Variants in CELF2 observed in about 807,000 individuals in gnomAD.
The protein encoded by CELF2 is CUGBP Elav-like family member 2.
Under a neutral mutation model 62.6 loss-of-function variants are expected in CELF2, and 8 were observed. That is an observed-to-expected ratio of 0.13 (90% CI 0.07 to 0.23). The LOEUF (loss-of-function observed/expected upper bound fraction) is 0.23. Ranked by LOEUF, CELF2 falls within the 10% of genes least tolerant of loss-of-function variation. The probability of loss-of-function intolerance (pLI) is 1.00; values close to 1 mark genes in which losing one functional copy is unlikely to be tolerated. For missense variants in CELF2, 333 were observed against 671.0 expected, an observed-to-expected ratio of 0.50 and a Z score of 5.56; for synonymous variants, 258 against 250.0, an observed-to-expected ratio of 1.03 and a Z score of -0.30.
intron 1 of CELF2, among the ~76,000 whole-genome samples, chr10:11,056,600 G>A (rs2065292935): frequency 6.6e-6 from 1 of 152,184 alleles, no homozygotes; most frequent in Non-Finnish European, 1.5e-5. Flanking sequence ...CGTATAAGAA[G>A]GGAGTCAAGG....
the CELF2 span, among the ~76,000 whole-genome samples, chr10:10,575,448 T>C: frequency 6.6e-6 from 1 of 152,224 alleles, no homozygotes; most frequent in African/African-American, 2.4e-5. Flanking sequence ...GTAAGAAATG[T>C]TCATTTGCAA....
chr10:11,094,385 G>A (rs74643524), intron 1 of CELF2, among the ~76,000 whole-genome samples: 1,579 of 152,304 alleles, frequency 0.01, 25 homozygotes, highest in African/African-American at 0.036. Flanking sequence ...CAGTCCACTT[G>A]TGGGCAAAGA....
At chr10:11,141,361 G>C (rs1290123619) in intron 1 of CELF2, among the ~76,000 whole-genome samples, 2 of 152,174 alleles carry the variant, frequency 1.3e-5, no homozygotes, top group Non-Finnish European at 2.9e-5. Flanking sequence ...AGGACCAGGG[G>C]GCCGACCAGT....
intron 2 of CELF2, among the ~76,000 whole-genome samples, chr10:11,188,303 C>T (rs2075489318): frequency 6.6e-6 from 1 of 152,154 alleles, no homozygotes; most frequent in African/African-American, 2.4e-5. Flanking sequence ...TGGGGTTTCT[C>T]CATGTTAGTC....
Position 10,826,218 on chromosome 10 carries a change from G to T in CELF2, c.53+27401G>T, listed in dbSNP as rs113235456. 1.9e-3 allele frequency among the ~76,000 whole-genome samples: 288 copies of T among 152,072 alleles called. 1 individual carries two copies. The highest frequency in any genetic ancestry group is 6.5e-3 in the African/African-American group (268 of 41,484). ...TTTTCCTGGATGCCCATTTCTCTTG[G>T]TATGGCTCTCCTTTGAATATTATTC... On this transcript the variant is annotated intron_variant, in intron 1 of 13. Transcript: ENST00000636488.
chr10:11,236,729 T>C (rs912825865), intron 3 of CELF2, among the ~76,000 whole-genome samples: 1 of 152,254 alleles, frequency 6.6e-6, no homozygotes, highest in African/African-American at 2.4e-5. Flanking sequence ...TCACAGCAAT[T>C]ACCCAACCTA....
In CELF2 at chr10:10,849,038, C is replaced by T. The variant is rs577547794; in HGVS notation, c.53+50221C>T. 7.2e-5 allele frequency among the ~76,000 whole-genome samples: 11 copies of T among 152,222 alleles called. No individual in the cohort carries two copies. In the East Asian group the frequency reaches 2.1e-3, roughly 29 times the overall value. On this transcript the variant is annotated intron_variant, in intron 1 of 13. Transcript: ENST00000636488. ...TTGCAAGCTTCTTAATTACAAACAA[C>T]AATATCCATTTTGGCTAATTTTCTT...
chr10:10,621,701 C>T, the CELF2 span, among the ~76,000 whole-genome samples: 1 of 152,166 alleles, frequency 6.6e-6, no homozygotes, highest in Non-Finnish European at 1.5e-5. Context: ...AGACAAGAAG[C>T]AACTCTGCCA....
intron 1 of CELF2, among the ~76,000 whole-genome samples, chr10:10,827,999 T>A: frequency 2.6e-5 from 1 of 39,190 alleles, no homozygotes. Context: ...AAGGCTAGTC[T>A]TAAAAAAAAA....
the CELF2 span, among the ~76,000 whole-genome samples, chr10:10,471,320 C>G: frequency 6.6e-6 from 1 of 151,578 alleles, no homozygotes; most frequent in Admixed American, 6.6e-5. Context: ...CAGATCATAT[C>G]TGTCACTGAG....
chr10:11,276,415 T>G (rs942686464), intron 8 of CELF2, among the ~76,000 whole-genome samples: 1 of 152,264 alleles, frequency 6.6e-6, no homozygotes, highest in Non-Finnish European at 1.5e-5. Context: ...TTCAGCAGCA[T>G]CTTTACGAAT....
In CELF2 at chr10:11,197,309, G is replaced by A. The variant is rs2058219361; in HGVS notation, c.272-20116G>A. On this transcript the variant is annotated intron_variant, in intron 2 of 12. Coordinates refer to ENST00000633077, the MANE Select transcript of CELF2 (RefSeq NM_001326342.2). ...TACCAGGGAACTGGTGAATCCAGGA[G>A]CCTCCCATTGTGATGCTCACTCCTT... is the stretch of plus-strand genomic sequence containing the variant. Among the ~76,000 whole-genome samples, 4 of 152,258 alleles carry A rather than the reference G, an allele frequency of 2.6e-5. No homozygotes were observed. In the South Asian group the frequency reaches 8.3e-4, roughly 32 times the overall value.
chr10:10,677,594 G>T, the CELF2 span, among the ~76,000 whole-genome samples: 4 of 152,198 alleles, frequency 2.6e-5, no homozygotes, highest in Non-Finnish European at 1.5e-5. Context: ...CTGAATGATT[G>T]TCAACACACG....
chr10:11,152,159 G>T (rs1221087267), intron 1 of CELF2, among the ~76,000 whole-genome samples: 4 of 152,152 alleles, frequency 2.6e-5, no homozygotes, highest in Non-Finnish European at 5.9e-5. Context: ...GACTTGGGCT[G>T]TTCCACATGC....
At chr10:10,641,267 G>A in the CELF2 span, among the ~76,000 whole-genome samples, 1 of 152,174 alleles carries the variant, frequency 6.6e-6, no homozygotes, top group East Asian at 1.9e-4. Flanking sequence ...CCTTCAGCAC[G>A]TGACTTAGTT....
At chr10:10,527,058 AG>A in the CELF2 span, among the ~76,000 whole-genome samples, 2 of 152,240 alleles carry the variant, frequency 1.3e-5, no homozygotes, top group African/African-American at 4.8e-5. Flanking sequence ...CACATGAAAA[AG>A]GGTTAATATT....
the CELF2 span, among the ~76,000 whole-genome samples, chr10:10,541,483 A>C: frequency 6.6e-6 from 1 of 152,104 alleles, no homozygotes; most frequent in Non-Finnish European, 1.5e-5. Flanking sequence ...TTGGTTCGCT[A>C]TTTTATGGCT....
the CELF2 span, among the ~76,000 whole-genome samples, chr10:10,575,469 C>G: frequency 2.0e-5 from 3 of 152,288 alleles, no homozygotes; most frequent in African/African-American, 2.4e-5. Flanking sequence ...AATACCTAAT[C>G]CAGACAGGTT....
intron 9 of CELF2, among the ~76,000 whole-genome samples, chr10:11,304,297 T>C (rs901083081): frequency 8.5e-5 from 13 of 152,306 alleles, no homozygotes; most frequent in African/African-American, 2.9e-4. Context: ...TCTGATTTTT[T>C]CTCTTTTGAT....
Sources: allele counts gnomAD v4.1 joint callset (sites outside exome capture counted in the v4.1 genomes callset), GRCh38; gene constraint gnomAD v4.1.1; transcripts MANE v1.5; gene names NCBI Gene and HGNC (gene_info 2026-07-23, HGNC 2026-07-21).